KLHL38: variants seen among roughly 807,000 people sequenced by gnomAD.
The protein encoded by KLHL38 is kelch-like protein 38.
In KLHL38, 38 loss-of-function variants were observed where a neutral mutation model predicts 39.6. The observed-to-expected ratio is 0.96, with a 90% CI of 0.74 to 1.26. The LOEUF is 1.26. KLHL38 is among the 50% of genes most tolerant of loss of function. The probability of loss-of-function intolerance (pLI) is 0.00; values close to 1 mark genes in which losing one functional copy is unlikely to be tolerated. For missense variants in KLHL38, 803 were observed against 748.1 expected (o/e 1.07, Z -0.86); for synonymous variants, 322 against 302.2 (o/e 1.07, Z -0.68).
chr8:123,646,753 GGAGA>G (rs1485070674), intron 3 of KLHL38, among the ~76,000 whole-genome samples, 152 bp downstream of exon 3: 2 of 152,180 alleles, frequency 1.3e-5, no homozygotes, highest in Non-Finnish European at 2.9e-5. Context: ...TTCTGGATGA[GGAGA>G]GAGTTTTGTC....
At position 123,645,055 on chromosome 8, in the gene KLHL38, A is replaced by AGAGAGAGAGG. The variant is rs112968111; in HGVS notation, c.*683_*684insCCTCTCTCTC. On this transcript the variant is annotated 3_prime_UTR_variant, in exon 4 of 4. Transcript: ENST00000684634. ...GAGACTGAGAGAGAGAGAGAGAGAGAGGGGCAGAGAGAGGCAGAGAGACAG... is the reference window on the plus strand; with the variant it reads ...GAGACTGAGAGAGAGAGAGAGAGAGAGAGAGAGAGGGGGGCAGAGAGAGGCAGAGAGACAG... Among the ~76,000 whole-genome samples, 6 of 149,660 alleles carry AGAGAGAGAGG rather than the reference A, an allele frequency of 4.0e-5. No homozygotes were observed. The highest frequency in any genetic ancestry group is 2.2e-4 in the South Asian group (1 of 4,646).
chr8:123,653,149 T>C (rs997046226), intron 1 of KLHL38, among the ~76,000 whole-genome samples: 11 of 152,190 alleles, frequency 7.2e-5, no homozygotes. Flanking sequence ...TTTTCAAAAG[T>C]AATAGGCAAA....
rs1354922694 is a variant in KLHL38 at position 123,652,001 on chromosome 8, G to T, written c.926C>A (p.Thr309Asn). 1.9e-6 allele frequency: 3 copies of T among 1,614,136 alleles called. No individual in the cohort carries two copies. Among genetic ancestry groups the T allele is most frequent in the East Asian group, 4.5e-5 (2 of 44,900 alleles). ...TRDVLLYSKQTGQWQSLAKLP... is the reference protein window; with the variant it reads ...TRDVLLYSKQNGQWQSLAKLP... ...TTTGGCAAGGCTCTGCCATTGGCCG[G>T]TCTGTTTGCTGTACAGTAGGACGTC... Residue 309 changes from threonine to asparagine, a missense_variant, in exon 2 of 4, where the codon ACC becomes AAC. Thr to Asn is a moderately conservative substitution (Grantham distance 65). Transcript: ENST00000684634.
chr8:123,651,706 G>A lies in KLHL38; in HGVS notation c.1221C>T (p.Ile407=). ...LMGSMERYDS[I]CNVWESMASM... is the part of the protein sequence containing the mutation. ...TGGCCATACTCTCCCAGACATTGCA[G>A]ATGCTGTCATACCTTTCCATGGAGC... Residue 407 remains isoleucine (I), a synonymous_variant, in exon 2 of 4, where the codon ATC becomes ATT. Coordinates refer to ENST00000684634, the MANE Select transcript of KLHL38 (RefSeq NM_001081675.3). 1 of 1,614,206 alleles carries A rather than the reference G, an allele frequency of 6.2e-7. No homozygotes were observed. The highest frequency in any genetic ancestry group is 8.5e-7 in the Non-Finnish European group (1 of 1,180,040).
At chr8:123,650,396 C>T (rs996733566) in intron 2 of KLHL38, among the ~76,000 whole-genome samples, 1 of 152,142 alleles carries the variant, frequency 6.6e-6, no homozygotes, top group African/African-American at 2.4e-5. Context: ...GGGCTGTATG[C>T]GTGTTGGGCA....
rs774637855 is a variant in KLHL38 at position 123,652,389 on chromosome 8, A to G, written c.538T>C (p.Leu180=). The G allele has an allele frequency of 1.9e-6, 3 of 1,613,846 alleles. No individual in the cohort carries two copies. The East Asian group carries it at 6.7e-5, about 36-fold the overall frequency. ...CCATCATCTCCGAGATAGTCCCTCA[A>G]CTCCAAGGCACAGAGCTCCTTCAGG... is the stretch of plus-strand genomic sequence containing the variant. ...ADLKELCALE[L]RDYLGDDGLC... is the part of the protein sequence containing the mutation. Residue 180 remains leucine, a synonymous_variant, in exon 2 of 4, where the codon TTG becomes CTG. Transcript: ENST00000684634.
Position 123,646,118 on chromosome 8 carries a change from T to C in KLHL38, c.1457-90A>G, listed in dbSNP as rs1223523909. 22 of 1,156,656 alleles carry C rather than the reference T, an allele frequency of 1.9e-5. 1 individual carries two copies. Among genetic ancestry groups the C allele is most frequent in the Middle Eastern group, 2.0e-4 (1 of 5,092 alleles). 71.6% of individuals were successfully genotyped at this position (1,156,656 alleles called of 1,614,324 possible). On this transcript the variant is annotated intron_variant, in intron 3 of 3. Transcript: ENST00000684634. ...CTGGGACGCGTCTGACTCCTGCCAC[T>C]GCGTAAGGCTGAGGCTGGGGCTCTG... is the stretch of plus-strand genomic sequence containing the variant.
chr8:123,652,204 G>A lies in KLHL38; in HGVS notation c.723C>T (p.Leu241=), dbSNP rs771488395. The stretch of plus-strand genomic sequence containing the variant: ...TCTGGCATGCAGGCGAGGACTGCAG[G>A]AGGGCATCGTTGGCGATGAAGTGGT... ...FFHHFIANDA[L]LQSSPACQII... Residue 241 remains leucine, a synonymous_variant, in exon 2 of 4, where the codon CTC becomes CTT. Coordinates refer to ENST00000684634, the MANE Select transcript of KLHL38 (RefSeq NM_001081675.3). 2 of 1,614,204 alleles carry A rather than the reference G, an allele frequency of 1.2e-6. No homozygotes were observed. Among genetic ancestry groups the A allele is most frequent in the South Asian group, 1.1e-5 (1 of 91,080 alleles).
intron 2 of KLHL38, among the ~76,000 whole-genome samples, chr8:123,648,102 T>C (rs9642868): frequency 1.3e-5 from 2 of 152,030 alleles, no homozygotes; most frequent in Non-Finnish European, 2.9e-5. Flanking sequence ...TAAGGTAAGA[T>C]TACCAGCACT....
rs1355522269 is a variant in KLHL38 at position 123,644,489 on chromosome 8, C to T, written c.*1250G>A. 6.6e-6 allele frequency among the ~76,000 whole-genome samples: 1 copy of T among 152,194 alleles called. No homozygotes were observed. The highest frequency in any genetic ancestry group is 1.5e-5 in the Non-Finnish European group (1 of 68,040). ...ATTCTGGCAATGCAGGATAATTTTA[C>T]AAACATTAGATACTGAATTGTGCAT... On this transcript the variant is annotated 3_prime_UTR_variant, in exon 4 of 4. Transcript: ENST00000684634.
intron 3 of KLHL38, among the ~76,000 whole-genome samples, chr8:123,646,341 C>A (rs1202569590): frequency 6.6e-6 from 1 of 152,248 alleles, no homozygotes; most frequent in African/African-American, 2.4e-5. Flanking sequence ...AATGCCCACT[C>A]AAGAACTATG....
rs1818626127 is a variant in KLHL38, at chr8:123,644,698, G to C, written c.*1041C>G. 6.6e-6 allele frequency among the ~76,000 whole-genome samples: 1 copy of C among 152,050 alleles called. No homozygotes were observed. The highest frequency in any genetic ancestry group is 1.9e-4 in the East Asian group (1 of 5,184). On this transcript the variant is annotated 3_prime_UTR_variant, in exon 4 of 4. Coordinates refer to ENST00000684634, the MANE Select transcript of KLHL38 (RefSeq NM_001081675.3). Reference sequence around the variant, plus strand: ...GTTTTTGTCTGGATTTCTCTCTTTGGGGAAATGCTTCTAACCCATTATATG... The same window carrying C: ...GTTTTTGTCTGGATTTCTCTCTTTGCGGAAATGCTTCTAACCCATTATATG...
chr8:123,651,653 G>A lies in KLHL38; in HGVS notation c.1274C>T (p.Ala425Val). ...GAGTCTTTGGTCTTTCACAGCGACT[G>A]CGGGGTGGAGCACCCCCACGGGCAT... is the stretch of plus-strand genomic sequence containing the variant. ...ASMPVGVLHPAVAVKDQRLYL... is the reference protein window; with the variant it reads ...ASMPVGVLHPVVAVKDQRLYL... The change falls in exon 2 of 4, where the codon GCA becomes GTA. Residue 425 changes from alanine to valine, a missense_variant. Physicochemically the swap from Ala to Val is moderately conservative, Grantham distance 64 (BLOSUM62 0). Transcript: ENST00000684634. 6.2e-7 allele frequency: 1 copy of A among 1,613,892 alleles called. No individual in the cohort carries two copies. Among genetic ancestry groups the A allele is most frequent in the Non-Finnish European group, 8.5e-7 (1 of 1,179,966 alleles).
Position 123,651,510 on chromosome 8 carries a change from G to A in KLHL38, c.1350+67C>T, listed in dbSNP as rs559948628. Reference sequence around the variant, plus strand: ...TGTATACATGTGCATGTGTGTGCAAGCAGGTGTGGGTGTGTCCAAGCACAC... The same window carrying A: ...TGTATACATGTGCATGTGTGTGCAAACAGGTGTGGGTGTGTCCAAGCACAC... On this transcript the variant is annotated intron_variant, in intron 2 of 3. Transcript: ENST00000684634. 2.9e-5 allele frequency: 43 copies of A among 1,477,476 alleles called. 1 individual carries two copies. In the South Asian group the frequency reaches 5.0e-4, roughly 17 times the overall value. 91.5% of individuals were successfully genotyped at this position (1,477,476 alleles called of 1,614,324 possible). A position where few individuals can be genotyped will look rare whatever the true frequency, so the allele number is the denominator to read the frequency against.
chr8:123,652,305 G>T lies in KLHL38; in HGVS notation c.622C>A (p.Leu208Ile), dbSNP rs767946435. The T allele has an allele frequency of 8.7e-6, 14 of 1,613,850 alleles. No homozygotes were observed. In the African/African-American group the frequency reaches 1.2e-4, roughly 14 times the overall value. Reference protein sequence around the residue: ...EALMVWIKHDLQARKRYMQEL... With the variant: ...EALMVWIKHDIQARKRYMQEL... ...TGCATGTATCGCTTCCGGGCCTGGA[G>T]GTCATGCTTGATCCAAACCATGAGG... Residue 208 changes from leucine (L) to isoleucine (I), a missense_variant, in exon 2 of 4, where the codon CTC (leucine) becomes ATC (isoleucine). By Grantham distance (5) the Leu-to-Ile change is conservative (BLOSUM62 2). Transcript: ENST00000684634.
rs754183725 is a variant in KLHL38, at chr8:123,651,615, C to T, written c.1312G>A (p.Gly438Arg). The T allele has an allele frequency of 2.4e-5, 39 of 1,606,708 alleles. No homozygotes were observed. Among genetic ancestry groups the T allele is most frequent in the Non-Finnish European group, 3.1e-5 (37 of 1,177,558 alleles). ...VKDQRLYLFG[G>R]EDIMQNPVRL... ...ACAGGGTTCTGCATGATGTCCTCTC[C>T]TCCAAAGAGATAGAGTCTTTGGTCT... The change falls in exon 2 of 4, where the codon GGA (glycine) becomes AGA (arginine). Residue 438 changes from glycine (G) to arginine (R), a missense_variant. By Grantham distance (125) the Gly-to-Arg change is moderately radical. Transcript: ENST00000684634.
chr8:123,652,618 A>C lies in KLHL38; in HGVS notation c.309T>G (p.Asn103Lys). ...YTGEAHIATD[N>K]VLPVMEAASM... Reference sequence around the variant, plus strand: ...AGGCGGCCTCCATCACGGGGAGGACATTGTCAGTGGCAATATGTGCCTCCC... The same window carrying C: ...AGGCGGCCTCCATCACGGGGAGGACCTTGTCAGTGGCAATATGTGCCTCCC... The change falls in exon 2 of 4, where the codon AAT (asparagine) becomes AAG (lysine). Residue 103 changes from asparagine to lysine, a missense_variant. Physicochemically the swap from Asn to Lys is moderately conservative, Grantham distance 94. Coordinates refer to ENST00000684634, the MANE Select transcript of KLHL38 (RefSeq NM_001081675.3). 1 of 1,614,174 alleles carries C rather than the reference A, an allele frequency of 6.2e-7. No individual in the cohort carries two copies. Among genetic ancestry groups the C allele is most frequent in the Non-Finnish European group, 8.5e-7 (1 of 1,180,012 alleles).
rs1350991369 is a variant in KLHL38 at position 123,652,362 on chromosome 8, G to T, written c.565C>A (p.Leu189Ile). Reference sequence around the variant, plus strand: ...AACACCTTTTCCTCCTCCCCACAGAGCCCATCATCTCCGAGATAGTCCCTC... The same window carrying T: ...AACACCTTTTCCTCCTCCCCACAGATCCCATCATCTCCGAGATAGTCCCTC... The part of the protein sequence containing the change: ...ELRDYLGDDG[L>I]CGEEEKVFEA... Residue 189 changes from leucine (L) to isoleucine (I), a missense_variant, in exon 2 of 4, where the codon CTC (leucine) becomes ATC (isoleucine). By Grantham distance (5) the Leu-to-Ile change is conservative. Transcript: ENST00000684634. 6.2e-7 allele frequency: 1 copy of T among 1,613,898 alleles called. No homozygotes were observed. Among genetic ancestry groups the T allele is most frequent in the Non-Finnish European group, 8.5e-7 (1 of 1,180,032 alleles).
intron 2 of KLHL38, 79 bp downstream of exon 2, chr8:123,651,498 A>C (rs1812642415): frequency 7.0e-7 from 1 of 1,430,332 alleles, no homozygotes; most frequent in South Asian, 1.4e-5. Context: ...ATACATGTGC[A>C]TGTGTGTGCA....
Sources: allele counts gnomAD v4.1 joint callset (sites outside exome capture counted in the v4.1 genomes callset), GRCh38; gene constraint gnomAD v4.1.1; transcripts MANE v1.5; gene names NCBI Gene and HGNC (gene_info 2026-07-23, HGNC 2026-07-21).